Variants in ITGB4 observed in about 807,000 individuals in gnomAD.
The protein encoded by ITGB4 is integrin subunit beta 4.
ITGB4 carries 159 observed loss-of-function variants against 207.6 expected under a neutral mutation model. That is an observed-to-expected ratio of 0.77 (90% CI 0.67 to 0.87). The LOEUF (loss-of-function observed/expected upper bound fraction) is 0.87, where lower values mean the gene tolerates loss of function less well. Ranked by LOEUF, ITGB4 falls within the 40% of genes least tolerant of loss-of-function variation. The pLI is 0.00. For missense variants in ITGB4, 2,278 were observed against 2,546.8 expected, an observed-to-expected ratio of 0.89 and a Z score of 2.27; for synonymous variants, 1,020 against 1,062.7, an observed-to-expected ratio of 0.96 and a Z score of 0.78.
At chr17:75,723,805 C>T (rs2060663020) in intron 1 of ITGB4, among the ~76,000 whole-genome samples, 1 of 152,250 alleles carries the variant, frequency 6.6e-6, no homozygotes, top group South Asian at 2.1e-4. Flanking sequence ...GAGAAAGAGG[C>T]GCGGTGCTCA....
Position 75,732,147 on chromosome 17 carries a change from GTC to G in ITGB4, c.1378-9_1378-8del. On this transcript the variant is annotated splice_polypyrimidine_tract_variant and intron_variant, in intron 11 of 39. Coordinates refer to ENST00000200181, the MANE Select transcript of ITGB4 (RefSeq NM_000213.5). The surrounding 1 kb of genome is among the most constrained non-coding windows in gnomAD (Gnocchi z 5.3). ...TGCTCCCCCGACGCACCCCACCATG[GTC>G]TCTCTCATTCCAGCAAAAAGAGGTG... is the stretch of plus-strand genomic sequence containing the variant. 1.2e-6 allele frequency: 2 copies of G among 1,614,010 alleles called. No individual in the cohort carries two copies. The highest frequency in any genetic ancestry group is 2.2e-5 in the East Asian group (1 of 44,878).
Position 75,727,400 on chromosome 17 carries a change from C to G in ITGB4, c.163-4C>G, listed in dbSNP as rs756323532. ...CCCCAGTGACCCCCTGTCCTTCTGG[C>G]CAGATGTTCAGGGACCGGCGCTGCA... On this transcript the variant is annotated splice_polypyrimidine_tract_variant and splice_region_variant and intron_variant, in intron 3 of 39. Coordinates refer to ENST00000200181, the MANE Select transcript of ITGB4 (RefSeq NM_000213.5). The surrounding 1 kb of genome is among the most constrained non-coding windows in gnomAD (Gnocchi z 6.0). 3.6e-5 allele frequency: 58 copies of G among 1,613,920 alleles called. No homozygotes were observed. The highest frequency in any genetic ancestry group is 4.9e-5 in the Non-Finnish European group (58 of 1,180,008).
intron 13 of ITGB4, among the ~76,000 whole-genome samples, chr17:75,734,307 T>G (rs1227661528): frequency 1.3e-5 from 2 of 151,938 alleles, no homozygotes; most frequent in African/African-American, 4.8e-5. Flanking sequence ...CAGCTAATTT[T>G]GTATTTTTAG....
chr17:75,743,893 C>T, intron 26 of ITGB4, 32 bp downstream of exon 26: 1 of 1,552,474 alleles, frequency 6.4e-7, no homozygotes, highest in Non-Finnish European at 8.7e-7. Context: ...GAGGGTGCAG[C>T]CCGGGGGGCT....
At position 75,739,581 on chromosome 17, in the gene ITGB4, T is replaced by C; in HGVS notation, c.2221-91T>C. 1 of 1,447,626 alleles carries C rather than the reference T, an allele frequency of 6.9e-7. No individual in the cohort carries two copies. The highest frequency in any genetic ancestry group is 9.7e-7 in the Non-Finnish European group (1 of 1,030,928). The allele number at this position is 1,447,626 out of a possible 1,614,324, so 89.7% of individuals were successfully genotyped here. A position where few individuals can be genotyped will look rare whatever the true frequency, so the allele number is the denominator to read the frequency against. ...TCTGGGGAGGCACTGTCACCCCTCT[T>C]GACCATTGGCATGGGGCGGGGTGGC... is the stretch of plus-strand genomic sequence containing the variant. On this transcript the variant is annotated intron_variant, in intron 18 of 39. Transcript: ENST00000200181. The surrounding 1 kb of genome is among the most constrained non-coding windows in gnomAD (Gnocchi z 5.4).
intron 13 of ITGB4, 76 bp downstream of exon 13, chr17:75,733,768 C>T: frequency 6.7e-7 from 1 of 1,488,512 alleles, no homozygotes; most frequent in Non-Finnish European, 9.2e-7. Context: ...CCGTCAGGAC[C>T]CAGGTTGGGA....
intron 13 of ITGB4, among the ~76,000 whole-genome samples, chr17:75,734,138 T>G (rs915218331): frequency 4.9e-5 from 7 of 141,930 alleles, no homozygotes; most frequent in Non-Finnish European, 9.2e-5. Flanking sequence ...TTTTTTTTTT[T>G]TTTTTTTTTT....
chr17:75,728,395 T>TCCC lies in ITGB4; in HGVS notation c.489_490insCCC (p.Leu163_Thr164insPro), dbSNP rs1310374724. 4 of 1,613,864 alleles carry TCCC rather than the reference T, an allele frequency of 2.5e-6. No individual in the cohort carries two copies. The African/African-American group carries it at 5.3e-5, about 22-fold the overall frequency. The stretch of plus-strand genomic sequence containing the variant: ...CATCCAGCTCGGGTCCTGAGCCAGC[T>TCCC]CACCAGCGACTACACTATTGGATTT... On this transcript the variant is annotated inframe_insertion, in exon 6 of 40. Transcript: ENST00000200181.
Position 75,740,541 on chromosome 17 carries a change from C to G in ITGB4, c.2550+80C>G, listed in dbSNP as rs376776944. The G allele has an allele frequency of 4.1e-6, 5 of 1,225,838 alleles. No individual in the cohort carries two copies. The African/African-American group carries it at 5.9e-5, about 15-fold the overall frequency. The allele number at this position is 1,225,838 out of a possible 1,614,324, so 75.9% of individuals were successfully genotyped here. ...GTGGGCAGGGCAGAGCGAATGCGGT[C>G]GTGGTACCGAGATTCATTAACTAGG... On this transcript the variant is annotated intron_variant, in intron 21 of 39. Transcript: ENST00000200181. This position sits in a 1 kb window ranked among gnomAD's most constrained non-coding sequence, Gnocchi z 5.9.
intron 1 of ITGB4, among the ~76,000 whole-genome samples, 183 bp from the exon 2 acceptor site, chr17:75,724,511 C>T (rs745545478): frequency 1.1e-4 from 16 of 152,374 alleles, no homozygotes; most frequent in Non-Finnish European, 1.6e-4. Context: ...AGGGATGGCA[C>T]GGAACAGGGC....
Position 75,740,604 on chromosome 17 carries a change from C to A in ITGB4, c.2550+143C>A. The A allele has an allele frequency of 2.1e-6, 2 of 946,092 alleles. No individual in the cohort carries two copies. The highest frequency in any genetic ancestry group is 3.3e-6 in the Non-Finnish European group (2 of 599,706). The allele number at this position is 946,092 out of a possible 1,614,324, so 58.6% of individuals were successfully genotyped here. On this transcript the variant is annotated intron_variant, in intron 21 of 39. Transcript: ENST00000200181. This position sits in a 1 kb window ranked among gnomAD's most constrained non-coding sequence, Gnocchi z 5.9. ...CTCTGGACCTGTGCCTGGCAGGGGG[C>A]ATCCTGGGATCTGTTTCCAGAGGGC...
rs1265457267 is a variant in ITGB4 at position 75,757,624 on chromosome 17, A to G, written c.*69A>G. On this transcript the variant is annotated 3_prime_UTR_variant, in exon 40 of 40. Transcript: ENST00000200181. The stretch of plus-strand genomic sequence containing the variant: ...CCGACTCCTCTCCCGGAGCCTCCTC[A>G]GCTACTCCATCCTTGCACCCCTGGG... 4 of 1,598,830 alleles carry G rather than the reference A, an allele frequency of 2.5e-6. No individual in the cohort carries two copies. The highest frequency in any genetic ancestry group is 3.4e-6 in the Non-Finnish European group (4 of 1,168,114).
At chr17:75,724,869 C>A in intron 2 of ITGB4, 87 bp downstream of exon 2, 1 of 1,122,210 alleles carries the variant, frequency 8.9e-7, no homozygotes, top group East Asian at 2.4e-5. Context: ...CACGGTGTCT[C>A]ACCTAAACAC....
At position 75,732,201 on chromosome 17, in the gene ITGB4, A is replaced by G; in HGVS notation, c.1416A>G (p.Gly472=). The part of the protein sequence containing the change: ...EVRSARCSFN[G]DFVCGQCVCS... ...GGTCAGCTCGCTGCAGCTTCAACGG[A>G]GACTTCGTGTGCGGACAGTGTGTGT... Residue 472 remains glycine, a synonymous_variant, in exon 12 of 40, where the codon GGA becomes GGG. Coordinates refer to ENST00000200181, the MANE Select transcript of ITGB4 (RefSeq NM_000213.5). The surrounding 1 kb of genome is among the most constrained non-coding windows in gnomAD (Gnocchi z 5.3). 1 of 1,614,062 alleles carries G rather than the reference A, an allele frequency of 6.2e-7. No homozygotes were observed. Among genetic ancestry groups the G allele is most frequent in the Non-Finnish European group, 8.5e-7 (1 of 1,180,022 alleles).
intron 34 of ITGB4, 71 bp downstream of exon 34, chr17:75,754,886 TTCTG>T: frequency 6.2e-7 from 1 of 1,603,868 alleles, no homozygotes; most frequent in Non-Finnish European, 8.5e-7. Context: ...AGCCTCGGGC[TTCTG>T]TCTGCTGTCC....
chr17:75,725,040 T>G (rs2060690323), intron 2 of ITGB4, among the ~76,000 whole-genome samples: 1 of 152,210 alleles, frequency 6.6e-6, no homozygotes, highest in South Asian at 2.1e-4. Flanking sequence ...CACCCAGGAC[T>G]GAGGCACCCA....
Position 75,736,369 on chromosome 17 carries a change from G to A in ITGB4, c.1843G>A (p.Glu615Lys), listed in dbSNP as rs776225486. Residue 615 changes from glutamate to lysine, a missense_variant, in exon 15 of 40, where the codon GAG becomes AAG. Glu to Lys is a moderately conservative substitution (Grantham distance 56). Transcript: ENST00000200181. Reference protein sequence around the residue: ...QQSLYTDTICEINYSAIHPGL... With the variant: ...QQSLYTDTICKINYSAIHPGL... ...GTCGCTCTACACGGACACCATCTGC[G>A]AGATCAACTACTCGGCGGTGAGGCT... 4.3e-6 allele frequency: 7 copies of A among 1,614,168 alleles called. No homozygotes were observed. Among genetic ancestry groups the A allele is most frequent in the Non-Finnish European group, 5.9e-6 (7 of 1,180,022 alleles).
chr17:75,757,320 G>T lies in ITGB4; in HGVS notation c.5329+10G>T, dbSNP rs1358933918. On this transcript the variant is annotated intron_variant, in intron 39 of 39. Coordinates refer to ENST00000200181, the MANE Select transcript of ITGB4 (RefSeq NM_000213.5). ...GAGCCCTTCCTAGTGGGTGAGCACTGAGGGCTAGGGGATCCCGGCTCTCCT... is the reference window on the plus strand; with the variant it reads ...GAGCCCTTCCTAGTGGGTGAGCACTTAGGGCTAGGGGATCCCGGCTCTCCT... 1 of 1,612,450 alleles carries T rather than the reference G, an allele frequency of 6.2e-7. No individual in the cohort carries two copies. The highest frequency in any genetic ancestry group is 1.3e-5 in the African/African-American group (1 of 74,890).
rs1372391029 is a variant in ITGB4, at chr17:75,757,105, G to A, written c.5216G>A (p.Gly1739Glu). 1.2e-6 allele frequency: 2 copies of A among 1,612,850 alleles called. No individual in the cohort carries two copies. Among genetic ancestry groups the A allele is most frequent in the African/African-American group, 1.3e-5 (1 of 74,896 alleles). Residue 1739 changes from glycine to glutamate, a missense_variant and splice_region_variant, in exon 38 of 40, where the codon GGA becomes GAA. Gly to Glu is a moderately conservative substitution (Grantham distance 98). Coordinates refer to ENST00000200181, the MANE Select transcript of ITGB4 (RefSeq NM_000213.5). The part of the protein sequence containing the change: ...EGIITIESQD[G>E]GPFPQLGSRA... ...ATCATCACCATAGAGTCCCAGGATG[G>A]AGGTAGGCACCTGTCCTTTCCTTCA... is the stretch of plus-strand genomic sequence containing the variant.
Sources: allele counts gnomAD v4.1 joint callset (sites outside exome capture counted in the v4.1 genomes callset), GRCh38; gene constraint gnomAD v4.1.1; non-coding constraint Gnocchi (gnomAD v3.1); transcripts MANE v1.5; gene names NCBI Gene and HGNC (gene_info 2026-07-23, HGNC 2026-07-21).